The following TAF1B variants were observed in gnomAD, a reference collection of about 807,000 sequenced individuals.
The protein encoded by TAF1B is TATA box-binding protein-associated factor RNA polymerase I subunit B.
TAF1B carries 61 observed loss-of-function variants against 83.9 expected under a neutral mutation model. The observed-to-expected ratio is 0.73, with a 90% CI of 0.59 to 0.90. The LOEUF is 0.90. Among genes scored for constraint, TAF1B ranks in the 40% least tolerant of loss-of-function variants. TAF1B has a pLI of 0.00. For missense variants in TAF1B, 625 were observed against 677.0 expected (o/e 0.92, Z 0.85); for synonymous variants, 221 against 224.6 (o/e 0.98, Z 0.14).
intron 5 of TAF1B, among the ~76,000 whole-genome samples, chr2:9,860,810 A>C (rs913620148): frequency 6.6e-6 from 1 of 152,216 alleles, no homozygotes; most frequent in African/African-American, 2.4e-5. Flanking sequence ...CAGTGGGATC[A>C]AAACCTTGAT....
At chr2:9,907,519 G>A (rs1665382634) in intron 9 of TAF1B, among the ~76,000 whole-genome samples, 1 of 151,994 alleles carries the variant, frequency 6.6e-6, no homozygotes, top group Admixed American at 6.6e-5. Context: ...AGGTGACCAG[G>A]TAGCCTCTGG....
At chr2:9,847,930 CT>C (rs1663259519) in intron 2 of TAF1B, among the ~76,000 whole-genome samples, 1 of 152,156 alleles carries the variant, frequency 6.6e-6, no homozygotes, top group Admixed American at 6.5e-5. Flanking sequence ...TGGAAAAATA[CT>C]TTTATCTAAA....
chr2:9,904,389 A>G (rs1665280198), intron 8 of TAF1B, among the ~76,000 whole-genome samples: 1 of 152,220 alleles, frequency 6.6e-6, no homozygotes, highest in African/African-American at 2.4e-5. Flanking sequence ...TAATTTGCTT[A>G]AGATAATGGC....
chr2:9,861,257 C>T (rs186552125), intron 5 of TAF1B, among the ~76,000 whole-genome samples: 59 of 152,354 alleles, frequency 3.9e-4, no homozygotes, highest in African/African-American at 1.3e-3. Context: ...CCTAATACTG[C>T]GCTTTTCGAA....
intron 11 of TAF1B, among the ~76,000 whole-genome samples, chr2:9,912,206 T>C (rs901738097): frequency 6.6e-6 from 1 of 152,136 alleles, no homozygotes; most frequent in Admixed American, 6.5e-5. Flanking sequence ...TTATAAGTGA[T>C]AGACAGATAG....
intron 8 of TAF1B, among the ~76,000 whole-genome samples, chr2:9,893,638 A>G (rs747221596): frequency 2.0e-5 from 3 of 152,256 alleles, no homozygotes; most frequent in Middle Eastern, 3.4e-3. Context: ...GCAGTGAGCT[A>G]TGCTCATGCC....
At chr2:9,846,980 A>G (rs1663225297) in intron 2 of TAF1B, among the ~76,000 whole-genome samples, 1 of 152,238 alleles carries the variant, frequency 6.6e-6, no homozygotes, top group African/African-American at 2.4e-5. Context: ...CCAGTGAAGA[A>G]AGATTATGTC....
intron 4 of TAF1B, chr2:9,852,150 T>C: frequency 7.5e-6 from 3 of 397,484 alleles, no homozygotes; most frequent in East Asian, 7.4e-5. Context: ...TGGACCTTAA[T>C]CCCCGAATTT....
chr2:9,927,224 T>A (rs1159553122), intron 14 of TAF1B, among the ~76,000 whole-genome samples: 3 of 152,214 alleles, frequency 2.0e-5, no homozygotes, highest in African/African-American at 7.2e-5. Flanking sequence ...AGCTGCATAG[T>A]ATTCCATGGT....
chr2:9,853,024 G>A (rs1380143029), intron 4 of TAF1B, among the ~76,000 whole-genome samples: 1 of 152,214 alleles, frequency 6.6e-6, no homozygotes, highest in East Asian at 1.9e-4. Flanking sequence ...ACCCATAATA[G>A]TCATTGCATT....
chr2:9,848,578 A>G (rs1663282104), intron 2 of TAF1B, among the ~76,000 whole-genome samples: 2 of 151,980 alleles, frequency 1.3e-5, no homozygotes, highest in South Asian at 4.1e-4. Context: ...AGGCTGGAGA[A>G]TTGCTTGAAC....
In TAF1B at chr2:9,910,842, C is replaced by T. The variant is rs61742066; in HGVS notation, c.1062C>T (p.Tyr354=). 1.5e-3 allele frequency: 2,354 copies of T among 1,613,424 alleles called. 39 individuals are homozygous for T. In the African/African-American group the frequency reaches 0.028, roughly 19 times the overall value. Residue 354 remains tyrosine, a synonymous_variant, in exon 10 of 15, where the codon TAC becomes TAT. Transcript: ENST00000263663. Reference sequence around the variant, plus strand: ...CTAAAATGGCAAAAACTGTTAAGTACGATGTACAAGCTGTAGCTATCATTG... The same window carrying T: ...CTAAAATGGCAAAAACTGTTAAGTATGATGTACAAGCTGTAGCTATCATTG... ...PIAKMAKTVK[Y]DVQAVAIIVV...
chr2:9,863,640 A>G (rs1007839874), intron 5 of TAF1B, among the ~76,000 whole-genome samples: 71 of 152,360 alleles, frequency 4.7e-4, no homozygotes, highest in Non-Finnish European at 7.9e-4. Flanking sequence ...TCAACAGAAT[A>G]TACATTATTT....
At chr2:9,858,225 A>T (rs898663395) in intron 5 of TAF1B, among the ~76,000 whole-genome samples, 1 of 152,250 alleles carries the variant, frequency 6.6e-6, no homozygotes, top group Non-Finnish European at 1.5e-5. Flanking sequence ...AAAGGGGCCA[A>T]TACAAGTCCG....
chr2:9,852,911 A>G (rs941796452), intron 4 of TAF1B, among the ~76,000 whole-genome samples: 4 of 152,230 alleles, frequency 2.6e-5, no homozygotes, highest in African/African-American at 4.8e-5. Flanking sequence ...GGCAAGTCCA[A>G]ACAGAACAAC....
In TAF1B at chr2:9,851,638, G is replaced by A; in HGVS notation, c.303G>A (p.Lys101=). ...LKNLGVGPEL[K]NDVLHNFWKR... is the part of the protein sequence containing the mutation. ...ACCTTGGAGTAGGCCCAGAGTTAAA[G>A]GTAAGTACATTTGTGACTAGATGTT... The change falls in exon 4 of 15, where the codon AAG becomes AAA. Residue 101 remains lysine, a splice_region_variant and synonymous_variant. Transcript: ENST00000263663. The A allele has an allele frequency of 1.2e-6, 2 of 1,605,054 alleles. No homozygotes were observed. The highest frequency in any genetic ancestry group is 2.3e-5 in the South Asian group (2 of 88,840).
At chr2:9,857,960 C>A (rs1320811519) in intron 5 of TAF1B, among the ~76,000 whole-genome samples, 1 of 152,056 alleles carries the variant, frequency 6.6e-6, no homozygotes, top group Non-Finnish European at 1.5e-5. Flanking sequence ...CACCCCTGCC[C>A]CCTGCCAAAT....
At chr2:9,888,022 A>T (rs1371738334) in intron 8 of TAF1B, among the ~76,000 whole-genome samples, 2 of 151,816 alleles carry the variant, frequency 1.3e-5, no homozygotes, top group African/African-American at 2.4e-5. Flanking sequence ...CCAACTAATT[A>T]AAAAAAAATT....
At position 9,913,226 on chromosome 2, in the gene TAF1B, A is replaced by G; in HGVS notation, c.1248A>G (p.Gln416=). ...IMKKAFDEKK[Q]KWEEARAKYL... is the part of the protein sequence containing the mutation. ...AGAAAGCTTTTGATGAGAAAAAACA[A>G]AAATGGGAAGAAGCAAGGGCCAAGT... The change falls in exon 12 of 15, where the codon CAA becomes CAG. Residue 416 remains glutamine (Q), a synonymous_variant. Coordinates refer to ENST00000263663, the MANE Select transcript of TAF1B (RefSeq NM_005680.3). 6.2e-7 allele frequency: 1 copy of G among 1,613,636 alleles called. No individual in the cohort carries two copies. Among genetic ancestry groups the G allele is most frequent in the Non-Finnish European group, 8.5e-7 (1 of 1,179,808 alleles).
Sources: allele counts gnomAD v4.1 joint callset (sites outside exome capture counted in the v4.1 genomes callset), GRCh38; gene constraint gnomAD v4.1.1; transcripts MANE v1.5; gene names NCBI Gene and HGNC (gene_info 2026-07-23, HGNC 2026-07-21).